The following DLGAP1 variants were observed in gnomAD, a reference collection of about 807,000 sequenced individuals.
DLGAP1 encodes DLG associated protein 1, also known as disks large-associated protein 1.
Under a neutral mutation model 90.8 loss-of-function variants are expected in DLGAP1, and 11 were observed. The observed-to-expected ratio is 0.12, with a 90% CI of 0.08 to 0.20. The LOEUF (loss-of-function observed/expected upper bound fraction) is 0.20, where lower values mean the gene tolerates loss of function less well. Among genes scored for constraint, DLGAP1 ranks in the 10% least tolerant of loss-of-function variants. The pLI is 1.00. For missense variants in DLGAP1, 1,050 were observed against 1,333.8 expected (o/e 0.79, Z 3.31); for synonymous variants, 558 against 540.7 (o/e 1.03, Z -0.44).
chr18:4,041,643 A>G (rs1413962484), intron 2 of DLGAP1, among the ~76,000 whole-genome samples: 5 of 152,096 alleles, frequency 3.3e-5, no homozygotes, highest in Non-Finnish European at 7.4e-5. Context: ...CACTCATACA[A>G]CTTTCCTTAT....
intron 1 of DLGAP1, among the ~76,000 whole-genome samples, chr18:4,421,873 A>G (rs2083044007): frequency 6.6e-6 from 1 of 151,784 alleles, no homozygotes; most frequent in Non-Finnish European, 1.5e-5. Context: ...CATCACATTC[A>G]GCTAATTTTT....
chr18:4,028,864 CT>C (rs1344848862), intron 2 of DLGAP1, among the ~76,000 whole-genome samples: 2 of 152,058 alleles, frequency 1.3e-5, no homozygotes, highest in Non-Finnish European at 2.9e-5. Flanking sequence ...CCATCTAACC[CT>C]TTGTTTTTTT....
intron 5 of DLGAP1, among the ~76,000 whole-genome samples, chr18:3,781,624 A>C (rs2065197216): frequency 6.6e-6 from 1 of 152,096 alleles, no homozygotes; most frequent in Admixed American, 6.5e-5. Context: ...AAGTGCTGGG[A>C]TTATAGGCGT....
rs938994848 is a variant in DLGAP1 at position 4,317,336 on chromosome 18, G to A, written c.-267+137670C>T. Among the ~76,000 whole-genome samples the A allele has an allele frequency of 3.9e-5, 6 of 152,232 alleles. No individual in the cohort carries two copies. In the South Asian group the frequency reaches 6.2e-4, roughly 16 times the overall value. ...TTTCAAATGATATGTTCTGCTCACT[G>A]AGCTGGACTTGTAACATGTTTGCTA... On this transcript the variant is annotated intron_variant, in intron 1 of 12. Transcript: ENST00000315677.
At chr18:3,913,035 A>T (rs533887559) in intron 3 of DLGAP1, among the ~76,000 whole-genome samples, 1 of 152,324 alleles carries the variant, frequency 6.6e-6, no homozygotes, top group South Asian at 2.1e-4. Context: ...AGATGATCTC[A>T]GGTTTGTACC....
intron 9 of DLGAP1, among the ~76,000 whole-genome samples, chr18:3,546,297 C>T (rs2053011039): frequency 6.6e-6 from 1 of 151,680 alleles, no homozygotes; most frequent in African/African-American, 2.4e-5. Flanking sequence ...ACCTGTAGTC[C>T]CAGCTACACC....
At chr18:3,949,544 T>A (rs892396776) in intron 3 of DLGAP1, among the ~76,000 whole-genome samples, 1 of 152,116 alleles carries the variant, frequency 6.6e-6, no homozygotes, top group Non-Finnish European at 1.5e-5. Flanking sequence ...AATCACGTGA[T>A]GTGGGTTCTG....
intron 1 of DLGAP1, among the ~76,000 whole-genome samples, chr18:4,380,974 C>T (rs1358022421): frequency 6.6e-6 from 1 of 152,176 alleles, no homozygotes; most frequent in Non-Finnish European, 1.5e-5. Flanking sequence ...ACCCTATTTT[C>T]ACATTCGAGG....
chr18:3,791,233 A>G (rs1369129481), intron 5 of DLGAP1, among the ~76,000 whole-genome samples: 1 of 152,260 alleles, frequency 6.6e-6, no homozygotes, highest in East Asian at 1.9e-4. Context: ...CAAGCACCTT[A>G]TCTTCTAGGA....
chr18:4,036,646 T>G (rs1261035216), intron 2 of DLGAP1, among the ~76,000 whole-genome samples: 1 of 152,226 alleles, frequency 6.6e-6, no homozygotes, highest in Non-Finnish European at 1.5e-5. Context: ...CATATTGACA[T>G]GAAGAATGCA....
intron 1 of DLGAP1, among the ~76,000 whole-genome samples, chr18:4,219,368 T>A (rs2078029801): frequency 6.6e-6 from 1 of 152,206 alleles, no homozygotes; most frequent in East Asian, 1.9e-4. Flanking sequence ...TCCTTAAATA[T>A]TTTGAATATT....
intron 1 of DLGAP1, among the ~76,000 whole-genome samples, chr18:4,154,196 G>A (rs2076718426): frequency 1.3e-5 from 2 of 151,324 alleles, no homozygotes; most frequent in Non-Finnish European, 2.9e-5. Flanking sequence ...CAGAGTAGCT[G>A]GGACTAGATG....
chr18:3,600,945 T>TATATAGATAG (rs2056957557), intron 7 of DLGAP1, among the ~76,000 whole-genome samples: 3 of 96,252 alleles, frequency 3.1e-5, no homozygotes, highest in African/African-American at 7.5e-5. Context: ...TATAGATAGA[T>TATATAGATAG]ATATAGATAT....
At position 4,077,466 on chromosome 18, in the gene DLGAP1, A is replaced by T. The variant is rs1001854230; in HGVS notation, c.-158-72265T>A. Among the ~76,000 whole-genome samples, 11 of 152,160 alleles carry T rather than the reference A, an allele frequency of 7.2e-5. No individual in the cohort carries two copies. In the East Asian group the frequency reaches 2.1e-3, roughly 29 times the overall value. On this transcript the variant is annotated intron_variant, in intron 2 of 12. Coordinates refer to ENST00000315677, the MANE Select transcript of DLGAP1 (RefSeq NM_004746.4). Reference sequence around the variant, plus strand: ...GTCTGGGCCATGGGGGTGGAACCACATGAATAGATTAATGCCCTCCTTGTG... The same window carrying T: ...GTCTGGGCCATGGGGGTGGAACCACTTGAATAGATTAATGCCCTCCTTGTG...
chr18:3,631,162 T>A (rs895234512), intron 7 of DLGAP1, among the ~76,000 whole-genome samples: 9 of 151,476 alleles, frequency 5.9e-5, no homozygotes, highest in African/African-American at 1.7e-4. Flanking sequence ...TTTTTTTTTT[T>A]AAGTAGAGAT....
chr18:4,257,020 C>T (rs933838701), intron 1 of DLGAP1, among the ~76,000 whole-genome samples: 11 of 152,286 alleles, frequency 7.2e-5, no homozygotes, highest in African/African-American at 2.2e-4. Context: ...CAGAGTGACA[C>T]ACTGCCCAGG....
At chr18:3,911,227 T>C (rs1414262084) in intron 3 of DLGAP1, among the ~76,000 whole-genome samples, 1 of 152,222 alleles carries the variant, frequency 6.6e-6, no homozygotes, top group Non-Finnish European at 1.5e-5. Context: ...CTGGATCTTA[T>C]ACATATTTGA....
chr18:4,366,431 G>A (rs2081768234), intron 1 of DLGAP1, among the ~76,000 whole-genome samples: 1 of 152,002 alleles, frequency 6.6e-6, no homozygotes, highest in Non-Finnish European at 1.5e-5. Context: ...ACTAAAAAGA[G>A]CATGTCATGC....
chr18:4,248,608 A>C (rs2078706661), intron 1 of DLGAP1: 1 of 152,194 alleles, frequency 6.6e-6, no homozygotes. Context: ...ATCGATGGAG[A>C]GCTGCCCTGA....
Sources: gnomAD v4.1 joint callset for allele counts (sites outside exome capture counted in the v4.1 genomes callset) on GRCh38, gnomAD v4.1.1 for gene constraint, MANE v1.5 for transcripts, NCBI Gene and HGNC (gene_info 2026-07-23, HGNC 2026-07-21) for gene names.